Variants in TWSG1 observed in about 807,000 individuals in gnomAD.
TWSG1 encodes twisted gastrulation BMP signaling modulator 1.
In TWSG1, 15 loss-of-function variants were observed where a neutral mutation model predicts 23.0. The ratio of observed to expected loss-of-function variants is 0.65; its 90% CI spans 0.44 to 1.00. The LOEUF (loss-of-function observed/expected upper bound fraction) is 1.00. TWSG1 is among the 50% of genes least tolerant of loss of function. TWSG1 has a pLI of 0.00. For synonymous variants in TWSG1, 86 were observed against 92.8 expected (o/e 0.93, Z 0.42); for missense variants, 242 against 278.7 (o/e 0.87, Z 0.94).
chr18:9,353,133 A>T (rs1164010221), intron 2 of TWSG1, among the ~76,000 whole-genome samples: 3 of 152,236 alleles, frequency 2.0e-5, no homozygotes, highest in Non-Finnish European at 4.4e-5. Context: ...AGGCCATACC[A>T]TATAGCCTAG....
intron 2 of TWSG1, among the ~76,000 whole-genome samples, chr18:9,342,310 G>C (rs1387621249): frequency 1.3e-5 from 2 of 152,152 alleles, no homozygotes; most frequent in Non-Finnish European, 2.9e-5. Flanking sequence ...GTGAGGATTA[G>C]GTGTAAAGTA....
chr18:9,380,116 T>C (rs1373029185), intron 3 of TWSG1, among the ~76,000 whole-genome samples: 3 of 152,248 alleles, frequency 2.0e-5, no homozygotes, highest in Non-Finnish European at 2.9e-5. Flanking sequence ...AGTGTCTAAA[T>C]TGGATTTGAT....
At chr18:9,339,632 T>TA (rs2040437315) in intron 2 of TWSG1, among the ~76,000 whole-genome samples, 1 of 151,938 alleles carries the variant, frequency 6.6e-6, no homozygotes. Context: ...TAAAAAAATT[T>TA]AAAAAATTAC....
rs570241368 is a variant in TWSG1, at chr18:9,368,059, G to A, written c.223+7988G>A. Among the ~76,000 whole-genome samples, 7 of 152,196 alleles carry A rather than the reference G, an allele frequency of 4.6e-5. 1 individual carries two copies. In the East Asian group the frequency reaches 1.4e-3, roughly 29 times the overall value. ...CTCCATACTGTTCTCCATAATGGTT[G>A]TACTAATTTACATTCCCACCAACAG... On this transcript the variant is annotated intron_variant, in intron 3 of 4. Transcript: ENST00000262120.
intron 3 of TWSG1, among the ~76,000 whole-genome samples, chr18:9,394,964 A>G (rs1450119478): frequency 6.6e-6 from 1 of 152,166 alleles, no homozygotes; most frequent in Non-Finnish European, 1.5e-5. Flanking sequence ...TTGCTACCCA[A>G]TCCACAAACC....
chr18:9,363,956 A>C (rs1165954653), intron 3 of TWSG1, among the ~76,000 whole-genome samples: 1 of 152,142 alleles, frequency 6.6e-6, no homozygotes, highest in Admixed American at 6.6e-5. Flanking sequence ...AATATCGTCT[A>C]ATACCACTCA....
intron 3 of TWSG1, among the ~76,000 whole-genome samples, chr18:9,390,412 CG>C (rs2040707182): frequency 6.6e-6 from 1 of 152,142 alleles, no homozygotes; most frequent in South Asian, 2.1e-4. Context: ...CCGCCCCCCT[CG>C]GCCTCCCAAA....
rs1384117477 is a variant in TWSG1 at position 9,370,922 on chromosome 18, A to G, written c.223+10851A>G. On this transcript the variant is annotated intron_variant, in intron 3 of 4. Coordinates refer to ENST00000262120, the MANE Select transcript of TWSG1 (RefSeq NM_020648.6). Reference sequence around the variant, plus strand: ...AAAAAGCTATGTTAGGTAACTGTTCATTTTTTAAGTTAAGGAGATTTTTCT... The same window carrying G: ...AAAAAGCTATGTTAGGTAACTGTTCGTTTTTTAAGTTAAGGAGATTTTTCT... Among the ~76,000 whole-genome samples the G allele has an allele frequency of 1.3e-5, 2 of 152,142 alleles. 1 individual carries two copies. The highest frequency in any genetic ancestry group is 3.8e-4 in the East Asian group (2 of 5,202).
chr18:9,362,698 CT>C (rs1474509007), intron 3 of TWSG1, among the ~76,000 whole-genome samples: 1 of 152,150 alleles, frequency 6.6e-6, no homozygotes, highest in Non-Finnish European at 1.5e-5. Context: ...TGTTCAGCGT[CT>C]TCTTTTAGGA....
intron 3 of TWSG1, among the ~76,000 whole-genome samples, chr18:9,385,250 T>A (rs2145628046): frequency 6.6e-6 from 1 of 152,170 alleles, no homozygotes; most frequent in East Asian, 1.9e-4. Flanking sequence ...CTAGAGAAAT[T>A]GAAGGGAACT....
intron 3 of TWSG1, among the ~76,000 whole-genome samples, chr18:9,365,554 G>C (rs2040574447): frequency 1.3e-5 from 2 of 152,146 alleles, no homozygotes; most frequent in Non-Finnish European, 2.9e-5. Flanking sequence ...TGTAGTCCCA[G>C]CTACTTGGGT....
chr18:9,341,996 A>C (rs901532230), intron 2 of TWSG1, among the ~76,000 whole-genome samples: 1 of 152,068 alleles, frequency 6.6e-6, no homozygotes, highest in Non-Finnish European at 1.5e-5. Flanking sequence ...CTGCCCTTGA[A>C]ATTTTCTACT....
chr18:9,336,322 G>A (rs2040423019), intron 1 of TWSG1, among the ~76,000 whole-genome samples: 1 of 151,952 alleles, frequency 6.6e-6, no homozygotes, highest in Non-Finnish European at 1.5e-5. Context: ...AACCCGGGAG[G>A]CGGAGGTTGC....
At chr18:9,370,315 T>TAA (rs34521583) in intron 3 of TWSG1, among the ~76,000 whole-genome samples, 22 of 144,250 alleles carry the variant, frequency 1.5e-4, no homozygotes, top group South Asian at 2.2e-4. Flanking sequence ...AGACTCCATC[T>TAA]AAAAAAAAAA....
intron 3 of TWSG1, among the ~76,000 whole-genome samples, chr18:9,364,706 G>A (rs893877320): frequency 2.0e-5 from 3 of 151,748 alleles, no homozygotes; most frequent in South Asian, 4.2e-4. Context: ...AGGCAGGAGA[G>A]TCACTTGAAC....
intron 3 of TWSG1, among the ~76,000 whole-genome samples, chr18:9,386,647 GA>G (rs906534961): frequency 2.6e-5 from 4 of 151,370 alleles, no homozygotes; most frequent in African/African-American, 7.3e-5. Flanking sequence ...CCAAAGCTGA[GA>G]AAAAAAACAG....
chr18:9,390,892 A>G (rs543134423), intron 3 of TWSG1, among the ~76,000 whole-genome samples: 2 of 152,316 alleles, frequency 1.3e-5, no homozygotes, highest in South Asian at 4.1e-4. Context: ...GCACACCTCT[A>G]GACCTAGCTA....
At chr18:9,337,800 A>G (rs1457461911) in intron 2 of TWSG1, among the ~76,000 whole-genome samples, 2 of 152,188 alleles carry the variant, frequency 1.3e-5, no homozygotes, top group African/African-American at 2.4e-5. Context: ...ATAAACATGT[A>G]TTATTTCATG....
At chr18:9,391,525 G>A (rs905455871) in intron 3 of TWSG1, among the ~76,000 whole-genome samples, 1 of 152,240 alleles carries the variant, frequency 6.6e-6, no homozygotes, top group African/African-American at 2.4e-5. Context: ...TATATTTCTT[G>A]TCAGAATACA....
Sources: gnomAD v4.1 joint callset for allele counts (sites outside exome capture counted in the v4.1 genomes callset) on GRCh38, gnomAD v4.1.1 for gene constraint, MANE v1.5 for transcripts, NCBI Gene and HGNC (gene_info 2026-07-23, HGNC 2026-07-21) for gene names.